Variants in ADARB2 observed in about 807,000 individuals in gnomAD.
ADARB2 encodes adenosine deaminase RNA specific B2 (inactive).
In ADARB2, 25 loss-of-function variants were observed where a neutral mutation model predicts 62.2. The ratio of observed to expected loss-of-function variants is 0.40; its 90% confidence interval spans 0.29 to 0.56. The LOEUF (loss-of-function observed/expected upper bound fraction) is 0.56, where lower values mean the gene tolerates loss of function less well. ADARB2 is among the 20% of genes least tolerant of loss of function. The pLI is 0.43. For missense variants in ADARB2, 1,071 were observed against 1,077.4 expected, an observed-to-expected ratio of 0.99 and a Z score of 0.08; for synonymous variants, 572 against 500.8, an observed-to-expected ratio of 1.14 and a Z score of -1.90.
chr10:1,414,868 A>T (rs777333225), intron 1 of ADARB2, among the ~76,000 whole-genome samples: 1 of 152,176 alleles, frequency 6.6e-6, no homozygotes, highest in Non-Finnish European at 1.5e-5. Context: ...TGGGGGCTGG[A>T]TGAGTGGCTC....
At chr10:1,209,518 TGCCCACACCTACAGCCTC>T in intron 7 of ADARB2, among the ~76,000 whole-genome samples, 1 of 110,802 alleles carries the variant, frequency 9.0e-6, no homozygotes, top group African/African-American at 3.4e-5. Context: ...CTGTCACCCA[TGCCCACACCTACAGCCTC>T]GCCCACACCC....
At chr10:1,404,678 A>G (rs2805527) in intron 1 of ADARB2, among the ~76,000 whole-genome samples, 143,508 of 152,244 alleles carry the variant, frequency 0.94, 67,824 homozygotes, top group East Asian at 1. Context: ...AAAGCTGCTC[A>G]GAGACCTGTA....
intron 1 of ADARB2, among the ~76,000 whole-genome samples, chr10:1,498,685 A>G (rs533101031): frequency 6.6e-6 from 1 of 152,354 alleles, no homozygotes; most frequent in Middle Eastern, 3.4e-3. Flanking sequence ...TTTCACCAAT[A>G]CAATGGTGAA....
At chr10:1,531,177 C>T (rs578260621) in intron 1 of ADARB2, among the ~76,000 whole-genome samples, 15 of 152,306 alleles carry the variant, frequency 9.8e-5, no homozygotes, top group South Asian at 2.1e-4. Flanking sequence ...CTATGTCCCA[C>T]GCAGGCAGTG....
At chr10:1,604,285 T>C (rs1833468155) in intron 1 of ADARB2, among the ~76,000 whole-genome samples, 1 of 152,256 alleles carries the variant, frequency 6.6e-6, no homozygotes, top group Non-Finnish European at 1.5e-5. Flanking sequence ...AGTTAGTGAA[T>C]GTCAGAGCCT....
chr10:1,253,773 C>A (rs1831055882), intron 4 of ADARB2, among the ~76,000 whole-genome samples: 1 of 152,192 alleles, frequency 6.6e-6, no homozygotes, highest in Non-Finnish European at 1.5e-5. Context: ...GTGTCCTGGA[C>A]TAGAAGGTGT....
chr10:1,528,937 T>A (rs1236025247), intron 1 of ADARB2, among the ~76,000 whole-genome samples: 1 of 152,090 alleles, frequency 6.6e-6, no homozygotes, highest in East Asian at 1.9e-4. Flanking sequence ...TGTCCCTTCC[T>A]AGGTTCCCAC....
chr10:1,500,617 G>A (rs148215079), intron 1 of ADARB2, among the ~76,000 whole-genome samples: 19 of 152,270 alleles, frequency 1.2e-4, no homozygotes, highest in African/African-American at 3.9e-4. Flanking sequence ...GTGAATTGTA[G>A]CAAAGAAAAT....
chr10:1,709,921 T>TTAAGAGATAATTACTAATTATGC (rs1834930635), intron 1 of ADARB2, among the ~76,000 whole-genome samples: 1 of 152,246 alleles, frequency 6.6e-6, no homozygotes, highest in Non-Finnish European at 1.5e-5. Context: ...AGTGGGGCTA[T>TTAAGAGATAATTACTAATTATGC]TAAGAGATAA....
intron 8 of ADARB2, among the ~76,000 whole-genome samples, chr10:1,188,945 C>T (rs1055594865): frequency 6.6e-6 from 1 of 152,326 alleles, no homozygotes; most frequent in Non-Finnish European, 1.5e-5. Flanking sequence ...GCAGCCAGGC[C>T]CTCTTCCCAC....
At chr10:1,564,864 C>T (rs1023287531) in intron 1 of ADARB2, among the ~76,000 whole-genome samples, 2 of 150,988 alleles carry the variant, frequency 1.3e-5, no homozygotes, top group African/African-American at 2.4e-5. Context: ...CTTAACAGCT[C>T]TTAGGGTCAG....
At chr10:1,325,573 C>T (rs1831837071) in intron 3 of ADARB2, among the ~76,000 whole-genome samples, 1 of 152,108 alleles carries the variant, frequency 6.6e-6, no homozygotes, top group South Asian at 2.1e-4. Context: ...ATTTCTGTCA[C>T]TCAGGAAAAG....
At chr10:1,313,490 G>C (rs1338580058) in intron 3 of ADARB2, among the ~76,000 whole-genome samples, 1 of 152,214 alleles carries the variant, frequency 6.6e-6, no homozygotes, top group East Asian at 1.9e-4. Context: ...ACGAGCGACT[G>C]TCCCTTTCAA....
chr10:1,273,123 C>T (rs1831278833), intron 3 of ADARB2, among the ~76,000 whole-genome samples: 1 of 152,204 alleles, frequency 6.6e-6, no homozygotes. Flanking sequence ...TCTCAAAGTC[C>T]TTAACTTGAG....
At chr10:1,353,915 C>T (rs928000893) in intron 3 of ADARB2, among the ~76,000 whole-genome samples, 14 of 152,182 alleles carry the variant, frequency 9.2e-5, no homozygotes, top group Admixed American at 2.6e-4. Context: ...CCCATGCCCT[C>T]TTCTTGTTTA....
intron 1 of ADARB2, among the ~76,000 whole-genome samples, chr10:1,513,403 C>T (rs1329134894): frequency 3.3e-5 from 5 of 152,288 alleles, no homozygotes; most frequent in Admixed American, 6.5e-5. Context: ...GCCCTGCAGC[C>T]GACTCTGGCA....
chr10:1,682,224 G>A (rs575224232), intron 1 of ADARB2, among the ~76,000 whole-genome samples: 1 of 152,130 alleles, frequency 6.6e-6, no homozygotes, highest in Non-Finnish European at 1.5e-5. Flanking sequence ...ACTGGGCGTC[G>A]AAGACCCAGA....
At chr10:1,303,439 G>C (rs1295177482) in intron 3 of ADARB2, among the ~76,000 whole-genome samples, 1 of 152,074 alleles carries the variant, frequency 6.6e-6, no homozygotes. Flanking sequence ...ATGGAACCAA[G>C]TTGGAAAACA....
Position 1,242,064 on chromosome 10 carries a change from C to T in ADARB2, c.1361+67G>A, listed in dbSNP as rs1331894639. ...GTGTTCTGAGCCAGGCATGGGGCCC[C>T]ATCTGCTCCCTGGCAGCCCCCAGCC... On this transcript the variant is annotated intron_variant, in intron 5 of 9. Coordinates refer to ENST00000381312, the MANE Select transcript of ADARB2 (RefSeq NM_018702.4). The T allele has an allele frequency of 2.1e-5, 32 of 1,503,372 alleles. No homozygotes were observed. The South Asian group carries it at 4.1e-4, about 19-fold the overall frequency. 93.1% of individuals were successfully genotyped at this position (1,503,372 alleles called of 1,614,324 possible).
Sources: allele counts gnomAD v4.1 joint callset (sites outside exome capture counted in the v4.1 genomes callset), GRCh38; gene constraint gnomAD v4.1.1; transcripts MANE v1.5; gene names NCBI Gene and HGNC (gene_info 2026-07-23, HGNC 2026-07-21).